Variants in TMTC4 observed in about 807,000 individuals in gnomAD.
TMTC4 encodes the protein protein O-mannosyl-transferase TMTC4.
In TMTC4, 65 loss-of-function variants were observed where a neutral mutation model predicts 86.0. The ratio of observed to expected loss-of-function variants is 0.76; its 90% CI spans 0.62 to 0.93. TMTC4 has a LOEUF of 0.93. Ranked by LOEUF, TMTC4 falls within the 40% of genes least tolerant of loss-of-function variation. The pLI, the probability that TMTC4 is intolerant of heterozygous loss-of-function variation, is 0.00. For missense variants in TMTC4, 866 were observed against 948.1 expected (o/e 0.91, Z 1.14); for synonymous variants, 379 against 382.5 (o/e 0.99, Z 0.11).
intron 7 of TMTC4, among the ~76,000 whole-genome samples, chr13:100,639,918 C>A (rs568596711): frequency 1.4e-4 from 21 of 150,984 alleles, no homozygotes; most frequent in African/African-American, 5.1e-4. Context: ...CCAGCCAGAG[C>A]GACAAGAGAG....
intron 6 of TMTC4, among the ~76,000 whole-genome samples, chr13:100,643,452 A>G (rs746024790): frequency 6.6e-6 from 1 of 152,220 alleles, no homozygotes; most frequent in Admixed American, 6.5e-5. Flanking sequence ...ACCTCAGGAT[A>G]TATTCGAAAG....
At chr13:100,649,398 A>G (rs1884144073) in intron 6 of TMTC4, among the ~76,000 whole-genome samples, 1 of 152,222 alleles carries the variant, frequency 6.6e-6, no homozygotes, top group Non-Finnish European at 1.5e-5. Flanking sequence ...ATCTAGAGGA[A>G]TTTAGACTCT....
At chr13:100,653,308 C>T (rs1285440115) in intron 6 of TMTC4, among the ~76,000 whole-genome samples, 4 of 152,160 alleles carry the variant, frequency 2.6e-5, no homozygotes, top group African/African-American at 9.7e-5. Flanking sequence ...GGAGAGGCTC[C>T]AGCAGACTTC....
intron 6 of TMTC4, among the ~76,000 whole-genome samples, chr13:100,652,570 T>C (rs867885933): frequency 1.8e-4 from 27 of 152,234 alleles, no homozygotes; most frequent in South Asian, 4.1e-4. Context: ...TATATATATA[T>C]ACACCTGAAT....
In TMTC4 at chr13:100,670,326, G is replaced by A. The variant is rs374342452; in HGVS notation, c.3+34C>T. On this transcript the variant is annotated intron_variant, in intron 2 of 18. Transcript: ENST00000342624. ...TTCTATAGCCTTCTGTCTGAGTGAA[G>A]ATGGAGACAGATCCAACAGGCAACG... 517 of 1,605,902 alleles carry A rather than the reference G, an allele frequency of 3.2e-4. 1 individual carries two copies. Among genetic ancestry groups the A allele is most frequent in the Middle Eastern group, 1.7e-4 (1 of 6,030 alleles).
At chr13:100,648,068 AAGGTAATG>A (rs1268802110) in intron 6 of TMTC4, among the ~76,000 whole-genome samples, 8 of 152,346 alleles carry the variant, frequency 5.3e-5, no homozygotes, top group African/African-American at 1.9e-4. Flanking sequence ...ATGAAAGATG[AAGGTAATG>A]TTTCTTTGCT....
In TMTC4 at chr13:100,644,640, ATC is replaced by A. The variant is rs138583891; in HGVS notation, c.641-2331_641-2330del. Among the ~76,000 whole-genome samples, 229 of 152,318 alleles carry A rather than the reference ATC, an allele frequency of 1.5e-3. 6 individuals are homozygous for A. The East Asian group carries it at 0.04, about 27-fold the overall frequency. ...GCCCTTTCAGCTTTTTGGGGGGAGA[ATC>A]TCTGCGTATCAAATTTCTAGATTTA... On this transcript the variant is annotated intron_variant, in intron 6 of 18. Coordinates refer to ENST00000342624, the MANE Select transcript of TMTC4 (RefSeq NM_032813.5).
rs1257900889 is a variant in TMTC4, at chr13:100,637,706, C to G, written c.835-4G>C. 9 of 1,613,422 alleles carry G rather than the reference C, an allele frequency of 5.6e-6. No homozygotes were observed. Among genetic ancestry groups the G allele is most frequent in the South Asian group, 1.1e-5 (1 of 91,022 alleles). On this transcript the variant is annotated splice_polypyrimidine_tract_variant and splice_region_variant and intron_variant, in intron 8 of 18. Coordinates refer to ENST00000342624, the MANE Select transcript of TMTC4 (RefSeq NM_032813.5). ...CGTTCCTGAGCATGCCGAGATTCTG[C>G]AAGGACATCGCAAAGCCCCAGAGGT...
chr13:100,627,832 C>T lies in TMTC4; in HGVS notation c.1507-1682G>A, dbSNP rs183792121. ...ATGTTTATGTTCATATGAAACAAATCCCGTGGTGGGAAAGAGATGTGAGTG... is the reference window on the plus strand; with the variant it reads ...ATGTTTATGTTCATATGAAACAAATTCCGTGGTGGGAAAGAGATGTGAGTG... On this transcript the variant is annotated intron_variant, in intron 12 of 18. Coordinates refer to ENST00000342624, the MANE Select transcript of TMTC4 (RefSeq NM_032813.5). Among the ~76,000 whole-genome samples, 59 of 152,154 alleles carry T rather than the reference C, an allele frequency of 3.9e-4. No homozygotes were observed. In the East Asian group the frequency reaches 0.01, roughly 27 times the overall value.
Position 100,636,650 on chromosome 13 carries a change from A to T in TMTC4, c.1084T>A (p.Cys362Ser). ...WWLCFDWSMG[C>S]IPLIKSISDW... is the part of the protein sequence containing the mutation. ...CTGATGGACTTAATGAGGGGGATGCAGCCCATTGACCAATCAAAACACAGC... is the reference window on the plus strand; with the variant it reads ...CTGATGGACTTAATGAGGGGGATGCTGCCCATTGACCAATCAAAACACAGC... Residue 362 changes from cysteine to serine, a missense_variant, in exon 10 of 19, where the codon TGC becomes AGC. Coordinates refer to ENST00000342624, the MANE Select transcript of TMTC4 (RefSeq NM_032813.5). 1 of 1,614,250 alleles carries T rather than the reference A, an allele frequency of 6.2e-7. No homozygotes were observed. Among genetic ancestry groups the T allele is most frequent in the Non-Finnish European group, 8.5e-7 (1 of 1,180,042 alleles).
intron 12 of TMTC4, among the ~76,000 whole-genome samples, chr13:100,633,692 C>T (rs1022327002): frequency 1.3e-5 from 2 of 152,172 alleles, no homozygotes; most frequent in African/African-American, 4.8e-5. Context: ...ACTTACACAA[C>T]CCTAGATGGT....
chr13:100,617,638 T>G (rs1290180997), intron 15 of TMTC4, among the ~76,000 whole-genome samples: 1 of 152,200 alleles, frequency 6.6e-6, no homozygotes, highest in Non-Finnish European at 1.5e-5. Context: ...GAAGACCACA[T>G]GGCTGTAGAT....
chr13:100,639,429 T>C (rs1182164644), intron 7 of TMTC4, among the ~76,000 whole-genome samples: 7 of 152,222 alleles, frequency 4.6e-5, no homozygotes, highest in Non-Finnish European at 1.0e-4. Context: ...GTAGCAGCCA[T>C]TGTCTTCTCA....
In TMTC4 at chr13:100,618,484, CTCTTT is replaced by C. The variant is rs797001333; in HGVS notation, c.1837-4059_1837-4055del. On this transcript the variant is annotated intron_variant, in intron 15 of 18. Coordinates refer to ENST00000342624, the MANE Select transcript of TMTC4 (RefSeq NM_032813.5). The stretch of plus-strand genomic sequence containing the variant: ...TTTTTTTTTTTTAATCTCTCTCTCT[CTCTTT>C]TATTTTATTTTATTTTTTTATTGAT... Among the ~76,000 whole-genome samples the C allele has an allele frequency of 2.0e-3, 277 of 139,452 alleles. 1 individual carries two copies. Among genetic ancestry groups the C allele is most frequent in the African/African-American group, 6.7e-3 (254 of 37,880 alleles). The allele number at this position is 139,452 out of a possible 152,430, so 91.5% of individuals were successfully genotyped here. A position where few individuals can be genotyped will look rare whatever the true frequency, so the allele number is the denominator to read the frequency against.
At position 100,662,986 on chromosome 13, in the gene TMTC4, A is replaced by T. The variant is rs1461578158; in HGVS notation, c.530T>A (p.Val177Asp). The T allele has an allele frequency of 6.2e-7, 1 of 1,613,896 alleles. No individual in the cohort carries two copies. The highest frequency in any genetic ancestry group is 8.5e-7 in the Non-Finnish European group (1 of 1,180,022). Residue 177 changes from valine to aspartate, a missense_variant, in exon 5 of 19, where the codon GTC becomes GAC. Coordinates refer to ENST00000342624, the MANE Select transcript of TMTC4 (RefSeq NM_032813.5). Reference protein sequence around the residue: ...ASLLAALLFAVHPVHTECVAG... With the variant: ...ASLLAALLFADHPVHTECVAG... ...TACACACTCGGTGTGCACAGGATGG[A>T]CAGCAAACAGCAGCGCGGCCAGCAG...
rs1882537321 is a variant in TMTC4, at chr13:100,638,217, T to C, written c.742-195A>G. 2.2e-5 allele frequency: 11 copies of C among 509,246 alleles called. No individual in the cohort carries two copies. In the South Asian group the frequency reaches 3.6e-4, roughly 17 times the overall value. 31.5% of individuals were successfully genotyped at this position (509,246 alleles called of 1,614,324 possible). A position where few individuals can be genotyped will look rare whatever the true frequency, so the allele number is the denominator to read the frequency against. ...GAAATTAGCTCAAGGTAATAGATCA[T>C]ATTTATTATTTAGTAAGCCCCTGAT... On this transcript the variant is annotated intron_variant, in intron 7 of 18. Coordinates refer to ENST00000342624, the MANE Select transcript of TMTC4 (RefSeq NM_032813.5).
chr13:100,674,973 A>T (rs528126225), upstream of TMTC4: 1 of 985,318 alleles, frequency 1.0e-6, no homozygotes, highest in Non-Finnish European at 1.2e-6. Context: ...TTCAGGCCAC[A>T]GCCAAGTCCC....
chr13:100,612,842 A>T (rs1241573375), intron 16 of TMTC4, among the ~76,000 whole-genome samples: 1 of 152,248 alleles, frequency 6.6e-6, no homozygotes, highest in Admixed American at 6.5e-5. Context: ...CTGCAAAATA[A>T]GAGGATGACA....
intron 16 of TMTC4, 61 bp downstream of exon 16, chr13:100,614,255 C>T: frequency 7.9e-7 from 1 of 1,257,876 alleles, no homozygotes; most frequent in Middle Eastern, 1.9e-4. Context: ...TTTCCTAAGT[C>T]TTCGGTGGCA....
Sources: gnomAD v4.1 joint callset for allele counts (sites outside exome capture counted in the v4.1 genomes callset) on GRCh38, gnomAD v4.1.1 for gene constraint, MANE v1.5 for transcripts, NCBI Gene and HGNC (gene_info 2026-07-23, HGNC 2026-07-21) for gene names.